GAB3: variants seen among roughly 807,000 people sequenced by gnomAD.
GAB3 encodes GRB2-associated-binding protein 3.
Under a neutral mutation model 40.4 loss-of-function variants are expected in GAB3, and 12 were observed. The observed-to-expected ratio is 0.30, with a 90% CI of 0.19 to 0.48. GAB3 has a LOEUF of 0.48. GAB3 is among the 20% of genes least tolerant of loss of function. GAB3 has a pLI of 0.99. For synonymous variants in GAB3, 154 were observed against 176.7 expected (o/e 0.87, Z 1.02); for missense variants, 381 against 461.9 (o/e 0.82, Z 1.61).
At chrX:154,723,252 A>C (rs1002835244) in intron 1 of GAB3, among the ~76,000 whole-genome samples, 5 of 112,208 alleles carry the variant, frequency 4.5e-5, no homozygotes, top group African/African-American at 1.6e-4. Context: ...GGATTCATTC[A>C]ATCAATATTT....
chrX:154,745,318 C>T (rs963483172), intron 1 of GAB3, among the ~76,000 whole-genome samples: 7 of 105,017 alleles, frequency 6.7e-5, no homozygotes, highest in South Asian at 4.3e-4. Flanking sequence ...GGTGACAATG[C>T]GAGACTCAGT....
intron 1 of GAB3, among the ~76,000 whole-genome samples, chrX:154,743,471 CTTTGT>C (rs1324967989): frequency 9.0e-6 from 1 of 111,555 alleles, no homozygotes; most frequent in Admixed American, 9.5e-5. Flanking sequence ...AGTTTTTTCT[CTTTGT>C]TTTAATTGAC....
chrX:154,747,267 C>T (rs1455254467), intron 1 of GAB3, among the ~76,000 whole-genome samples: 1 of 112,153 alleles, frequency 8.9e-6, no homozygotes, highest in African/African-American at 3.2e-5. Context: ...CCTCAGCCTC[C>T]CAAAGTGCTG....
intron 1 of GAB3, among the ~76,000 whole-genome samples, chrX:154,728,353 C>A (rs2071243094): frequency 8.9e-6 from 1 of 112,410 alleles, no homozygotes; most frequent in African/African-American, 3.2e-5. Context: ...CCCCTCCTGA[C>A]CCATGGACGT....
rs1452541882 is a variant in GAB3, at chrX:154,703,075, T to G, written c.1070-3016A>C. ...TGGGAATGTAAATTAGTTCAACCAT[T>G]GTGGAAAACAGTGTGGTGATTCCTC... is the stretch of plus-strand genomic sequence containing the variant. On this transcript the variant is annotated intron_variant, in intron 4 of 9. Coordinates refer to ENST00000424127, the MANE Select transcript of GAB3 (RefSeq NM_001081573.3). 5.3e-5 allele frequency among the ~76,000 whole-genome samples: 6 copies of G among 112,315 alleles called. No individual in the cohort carries two copies. The East Asian group carries it at 1.7e-3, about 31-fold the overall frequency.
At chrX:154,683,619 AC>A (rs1262863028) in intron 8 of GAB3, among the ~76,000 whole-genome samples, 2 of 111,612 alleles carry the variant, frequency 1.8e-5, no homozygotes, top group Non-Finnish European at 3.8e-5. Flanking sequence ...CTTCAGAACT[AC>A]CTACTGTGGA....
intron 8 of GAB3, among the ~76,000 whole-genome samples, chrX:154,686,766 G>C (rs2070456259): frequency 9.1e-6 from 1 of 110,075 alleles, no homozygotes. Context: ...TGGGTCATTG[G>C]AAGCTGAAAT....
chrX:154,682,753 G>A (rs1390710023), intron 8 of GAB3, among the ~76,000 whole-genome samples: 1 of 110,976 alleles, frequency 9.0e-6, no homozygotes, highest in African/African-American at 3.3e-5. Context: ...CGAGGCGAGC[G>A]GATCACTTGG....
intron 5 of GAB3, 112 bp downstream of exon 5, chrX:154,699,892 A>G: frequency 1.6e-6 from 1 of 642,549 alleles, no homozygotes; most frequent in African/African-American, 2.2e-5. Flanking sequence ...GGAGACTGGA[A>G]GATTCCTCAG....
intron 1 of GAB3, among the ~76,000 whole-genome samples, chrX:154,725,362 C>T (rs891577716): frequency 2.7e-5 from 3 of 111,794 alleles, no homozygotes; most frequent in Non-Finnish European, 1.9e-5. Context: ...GAACTTGCCT[C>T]CTACCCATAA....
At chrX:154,744,599 T>C (rs1021638323) in intron 1 of GAB3, among the ~76,000 whole-genome samples, 2 of 112,252 alleles carry the variant, frequency 1.8e-5, no homozygotes, top group Non-Finnish European at 3.8e-5. Context: ...AGATAGAAAC[T>C]TTCACATTCC....
chrX:154,738,528 G>A (rs961750487), intron 1 of GAB3, among the ~76,000 whole-genome samples: 20 of 112,123 alleles, frequency 1.8e-4, no homozygotes, highest in Admixed American at 1.7e-3. Context: ...CCTGTCATTG[G>A]AAGTGTCCAG....
intron 1 of GAB3, among the ~76,000 whole-genome samples, chrX:154,717,301 C>T (rs1294488154): frequency 6.3e-5 from 7 of 110,950 alleles, no homozygotes; most frequent in African/African-American, 9.9e-5. Context: ...CAGTGTTTTT[C>T]AACCAGGGAT....
intron 1 of GAB3, among the ~76,000 whole-genome samples, chrX:154,746,932 C>T (rs1444868439): frequency 8.9e-6 from 1 of 112,894 alleles, no homozygotes; most frequent in African/African-American, 3.2e-5. Flanking sequence ...AGTCATTAAA[C>T]AGCATGTTGT....
At chrX:154,691,039 C>T (rs1206837865) in intron 8 of GAB3, among the ~76,000 whole-genome samples, 2 of 110,581 alleles carry the variant, frequency 1.8e-5, no homozygotes, top group African/African-American at 6.6e-5. Context: ...CAATGACAGA[C>T]TGGATTAAGA....
At chrX:154,683,470 G>A (rs2070403918) in intron 8 of GAB3, among the ~76,000 whole-genome samples, 1 of 112,124 alleles carries the variant, frequency 8.9e-6, no homozygotes, top group Non-Finnish European at 1.9e-5. Context: ...TCTCTCCAGA[G>A]AGACTGAACT....
rs2070315105 is a variant in GAB3 at position 154,677,737 on chromosome X, C to T, written c.*441G>A. 2 of 161,518 alleles carry T rather than the reference C, an allele frequency of 1.2e-5. No homozygotes were observed. Among genetic ancestry groups the T allele is most frequent in the South Asian group, 3.3e-4 (1 of 3,008 alleles). The allele number at this position is 161,518 out of a possible 1,213,427, so 13.3% of individuals were successfully genotyped here. The stretch of plus-strand genomic sequence containing the variant: ...AAGTCTGTGGAGTAAGATTCTGCCA[C>T]CATTGCTGGGCTTGATCTCCTCAAC... On this transcript the variant is annotated 3_prime_UTR_variant, in exon 10 of 10. Coordinates refer to ENST00000424127, the MANE Select transcript of GAB3 (RefSeq NM_001081573.3).
chrX:154,717,981 T>C (rs2071072165), intron 1 of GAB3, among the ~76,000 whole-genome samples: 1 of 110,777 alleles, frequency 9.0e-6, no homozygotes. Flanking sequence ...CGCAGGGAGA[T>C]TTATAGCTCT....
intron 8 of GAB3, among the ~76,000 whole-genome samples, chrX:154,693,488 C>G (rs781813475): frequency 9.0e-6 from 1 of 111,593 alleles, no homozygotes; most frequent in Non-Finnish European, 1.9e-5. Flanking sequence ...TGAAAGAAGC[C>G]AGTTTTAAAA....
Sources: allele counts gnomAD v4.1 joint callset (sites outside exome capture counted in the v4.1 genomes callset), GRCh38; gene constraint gnomAD v4.1.1; transcripts MANE v1.5; gene names NCBI Gene and HGNC (gene_info 2026-07-23, HGNC 2026-07-21).